The following AKAP6 variants were observed in gnomAD, a reference collection of about 807,000 sequenced individuals.
AKAP6 encodes A-kinase anchor protein 6.
In AKAP6, 58 loss-of-function variants were observed where a neutral mutation model predicts 188.5. The observed-to-expected ratio is 0.31, with a 90% CI of 0.25 to 0.38. The LOEUF (loss-of-function observed/expected upper bound fraction) is 0.38. Among genes scored for constraint, AKAP6 ranks in the 10% least tolerant of loss-of-function variants. The pLI, the probability that AKAP6 is intolerant of heterozygous loss-of-function variation, is 1.00. For missense variants in AKAP6, 2,710 were observed against 2,740.0 expected (o/e 0.99, Z 0.24); for synonymous variants, 989 against 998.6 (o/e 0.99, Z 0.18).
At position 32,822,195 on chromosome 14, in the gene AKAP6, A is replaced by G. The variant is rs770234163; in HGVS notation, c.4382A>G (p.Lys1461Arg). Reference protein sequence around the residue: ...PDCLGEELQGKHDVFTFYDYS... With the variant: ...PDCLGEELQGRHDVFTFYDYS... Reference sequence around the variant, plus strand: ...TGTTTGGGAGAAGAATTACAAGGAAAACATGATGTGTTTACATTTTATGAT... The same window carrying G: ...TGTTTGGGAGAAGAATTACAAGGAAGACATGATGTGTTTACATTTTATGAT... Residue 1461 changes from lysine (K) to arginine (R), a missense_variant, in exon 13 of 14, where the codon AAA becomes AGA. Coordinates refer to ENST00000280979, the MANE Select transcript of AKAP6 (RefSeq NM_004274.5). 6.2e-7 allele frequency: 1 copy of G among 1,613,912 alleles called. No individual in the cohort carries two copies. Among genetic ancestry groups the G allele is most frequent in the Non-Finnish European group, 8.5e-7 (1 of 1,179,918 alleles).
In AKAP6 at chr14:32,599,429, A is replaced by G. The variant is rs1216524174; in HGVS notation, c.2489A>G (p.Asp830Gly). 2.5e-6 allele frequency: 4 copies of G among 1,612,878 alleles called. No individual in the cohort carries two copies. The highest frequency in any genetic ancestry group is 1.1e-5 in the South Asian group (1 of 90,876). Reference protein sequence around the residue: ...ETHLSFKLNVDSHCALKEAVE... With the variant: ...ETHLSFKLNVGSHCALKEAVE... ...TTGCAGAGTTTTAAGTTGAATGTAG[A>G]CAGTCATTGTGCTCTCAAGGAAGCT... Residue 830 changes from aspartate (D) to glycine (G), a missense_variant, in exon 6 of 14, where the codon GAC becomes GGC. By Grantham distance (94) the Asp-to-Gly change is moderately conservative. Transcript: ENST00000280979.
chr14:32,547,386 T>C (rs1390184707), intron 4 of AKAP6, among the ~76,000 whole-genome samples: 1 of 152,246 alleles, frequency 6.6e-6, no homozygotes, highest in African/African-American at 2.4e-5. Context: ...AGAGTGTTTT[T>C]ATTCATTTCT....
chr14:32,544,958 A>C (rs779813278), intron 3 of AKAP6, among the ~76,000 whole-genome samples: 24 of 152,210 alleles, frequency 1.6e-4, no homozygotes, highest in Non-Finnish European at 1.9e-4. Flanking sequence ...TTGAAAATTA[A>C]GTCAAGAATG....
At chr14:32,687,561 G>A (rs891853399) in intron 8 of AKAP6, among the ~76,000 whole-genome samples, 3 of 150,842 alleles carry the variant, frequency 2.0e-5, no homozygotes, top group Non-Finnish European at 3.0e-5. Context: ...TTTCTTTTTG[G>A]TGCACACCAG....
At chr14:32,726,052 T>G (rs2030855305) in intron 9 of AKAP6, 1 of 294,958 alleles carries the variant, frequency 3.4e-6, no homozygotes, top group Non-Finnish European at 5.0e-6. Context: ...GAAGTCATGG[T>G]GTAATTATTT....
chr14:32,657,151 C>T (rs1016767488), intron 7 of AKAP6, among the ~76,000 whole-genome samples: 44 of 152,232 alleles, frequency 2.9e-4, no homozygotes, highest in African/African-American at 9.6e-4. Flanking sequence ...GGAGCCCTGG[C>T]TCTGATTTGA....
chr14:32,332,577 G>A (rs1464285822), intron 1 of AKAP6, among the ~76,000 whole-genome samples: 1 of 152,114 alleles, frequency 6.6e-6, no homozygotes, highest in Non-Finnish European at 1.5e-5. Context: ...TGCACTCAAA[G>A]CAGGTCTTAC....
chr14:32,593,011 A>AACACAC (rs60277036), intron 5 of AKAP6, among the ~76,000 whole-genome samples: 6,030 of 123,774 alleles, frequency 0.049, 300 homozygotes, highest in Middle Eastern at 0.06. Flanking sequence ...CCCCCACCCC[A>AACACAC]ACACACACAC....
At chr14:32,788,033 C>G (rs1423991658) in intron 12 of AKAP6, among the ~76,000 whole-genome samples, 1 of 76,252 alleles carries the variant, frequency 1.3e-5, no homozygotes, top group Non-Finnish European at 2.7e-5. Context: ...AGAGTGAGAC[C>G]CCATCTCAAA....
rs928126284 is a variant in AKAP6 at position 32,546,897 on chromosome 14, G to A, written c.2244G>A (p.Glu748=). The A allele has an allele frequency of 3.2e-5, 52 of 1,613,700 alleles. No homozygotes were observed. Among genetic ancestry groups the A allele is most frequent in the Non-Finnish European group, 4.0e-5 (47 of 1,180,006 alleles). Residue 748 remains glutamate, a synonymous_variant, in exon 4 of 14, where the codon GAG becomes GAA. Coordinates refer to ENST00000280979, the MANE Select transcript of AKAP6 (RefSeq NM_004274.5). ...AGTCAGAAAGAGCTTCATCCTCTGA[G>A]AAAAATGAGAGCCATTCTGCCACTA... The part of the protein sequence containing the change: ...DEKSERASSS[E]KNESHSATKS...
chr14:32,337,714 C>T (rs1474724001), intron 1 of AKAP6, among the ~76,000 whole-genome samples: 1 of 150,746 alleles, frequency 6.6e-6, no homozygotes, highest in East Asian at 2.0e-4. Context: ...TAATGCTATC[C>T]TTCCCCCCTC....
At chr14:32,722,969 C>T (rs538090420) in intron 9 of AKAP6, among the ~76,000 whole-genome samples, 1 of 152,304 alleles carries the variant, frequency 6.6e-6, no homozygotes, top group Non-Finnish European at 1.5e-5. Flanking sequence ...TCTGAGGCTC[C>T]AGAGGTTATG....
chr14:32,476,583 A>G (rs1348270113), intron 2 of AKAP6, among the ~76,000 whole-genome samples: 1 of 152,158 alleles, frequency 6.6e-6, no homozygotes, highest in African/African-American at 2.4e-5. Flanking sequence ...GTCATATTTG[A>G]CTTGTGTCAG....
At chr14:32,499,722 A>G (rs889365532) in intron 2 of AKAP6, among the ~76,000 whole-genome samples, 2 of 151,648 alleles carry the variant, frequency 1.3e-5, no homozygotes, top group Non-Finnish European at 2.9e-5. Flanking sequence ...GTATTATAAA[A>G]CTAAAAATGA....
At chr14:32,671,485 TTCTC>T (rs1223637387) in intron 7 of AKAP6, among the ~76,000 whole-genome samples, 2 of 148,950 alleles carry the variant, frequency 1.3e-5, no homozygotes, top group African/African-American at 2.5e-5. Flanking sequence ...ATTTTTCTTT[TTCTC>T]TCTATTTTTT....
At position 32,822,298 on chromosome 14, in the gene AKAP6, G is replaced by C. The variant is rs771769722; in HGVS notation, c.4485G>C (p.Glu1495Asp). ...CACAAAGCGAAAAAGCGCATGTGGA[G>C]GATCCCCTGCTTCGTGGTTTTTATT... The part of the protein sequence containing the change: ...KQSQSEKAHV[E>D]DPLLRGFYFD... Residue 1495 changes from glutamate (E) to aspartate (D), a missense_variant, in exon 13 of 14, where the codon GAG becomes GAC. Physicochemically the swap from Glu to Asp is conservative, Grantham distance 45. Coordinates refer to ENST00000280979, the MANE Select transcript of AKAP6 (RefSeq NM_004274.5). 2.5e-6 allele frequency: 4 copies of C among 1,613,854 alleles called. No homozygotes were observed. The South Asian group carries it at 4.4e-5, about 18-fold the overall frequency.
At chr14:32,574,258 T>C (rs944686871) in intron 4 of AKAP6, among the ~76,000 whole-genome samples, 1 of 152,110 alleles carries the variant, frequency 6.6e-6, no homozygotes, top group African/African-American at 2.4e-5. Context: ...TAAAAAGTTG[T>C]GAGGGTGGGA....
chr14:32,483,005 A>ATGTGTG (rs1435446426), intron 2 of AKAP6, among the ~76,000 whole-genome samples: 1 of 111,038 alleles, frequency 9.0e-6, no homozygotes, highest in African/African-American at 2.6e-5. Flanking sequence ...ATATATATAT[A>ATGTGTG]TATATATGTA....
In AKAP6 at chr14:32,773,819, A is replaced by G. The variant is rs764041735; in HGVS notation, c.3514A>G (p.Arg1172Gly). 2 of 1,614,138 alleles carry G rather than the reference A, an allele frequency of 1.2e-6. No individual in the cohort carries two copies. The highest frequency in any genetic ancestry group is 1.7e-6 in the Non-Finnish European group (2 of 1,179,994). ...PMQLIIVNLE[R>G]RWEAIVMQAV... is the part of the protein sequence containing the mutation. Reference sequence around the variant, plus strand: ...GCAGCTGATCATTGTAAATCTTGAAAGAAGGTGGGAAGCCATTGTCATGCA... The same window carrying G: ...GCAGCTGATCATTGTAAATCTTGAAGGAAGGTGGGAAGCCATTGTCATGCA... The change falls in exon 12 of 14, where the codon AGA becomes GGA. Residue 1172 changes from arginine (R) to glycine (G), a missense_variant. Arg to Gly is a moderately radical substitution (Grantham distance 125). This residue lies in a region of AKAP6 where 2,473 missense variants were observed against 2,426.1 expected (regional missense o/e 1.02). Coordinates refer to ENST00000280979, the MANE Select transcript of AKAP6 (RefSeq NM_004274.5).
Sources: gnomAD v4.1 joint callset for allele counts (sites outside exome capture counted in the v4.1 genomes callset) on GRCh38, gnomAD v4.1.1 for gene constraint, gnomAD v4.1.1 regional missense constraint, MANE v1.5 for transcripts, NCBI Gene and HGNC (gene_info 2026-07-23, HGNC 2026-07-21) for gene names.